Variants in LIPC observed in about 807,000 individuals in gnomAD.
LIPC encodes the protein hepatic triacylglycerol lipase.
In LIPC, 44 loss-of-function variants were observed where a neutral mutation model predicts 50.7. The ratio of observed to expected loss-of-function variants is 0.87; its 90% CI spans 0.68 to 1.11. LIPC has a LOEUF of 1.11. LIPC is among the 50% of genes most tolerant of loss of function. The pLI, the probability that LIPC is intolerant of heterozygous loss-of-function variation, is 0.00. For missense variants in LIPC, 697 were observed against 648.2 expected (o/e 1.08, Z -0.82); for synonymous variants, 271 against 256.4 (o/e 1.06, Z -0.54).
intron 1 of LIPC, among the ~76,000 whole-genome samples, chr15:58,482,535 GTTGT>G (rs1595886219): frequency 1.3e-5 from 2 of 152,108 alleles, no homozygotes; most frequent in East Asian, 3.9e-4. Context: ...TGGCTCTTAG[GTTGT>G]TATAAGGGTA....
At chr15:58,492,303 G>A (rs1328328420) in intron 1 of LIPC, among the ~76,000 whole-genome samples, 1 of 151,984 alleles carries the variant, frequency 6.6e-6, no homozygotes, top group Non-Finnish European at 1.5e-5. Context: ...AGCTTCCTAG[G>A]TATTATTACA....
At chr15:58,529,646 C>A (rs1245560889) in intron 1 of LIPC, among the ~76,000 whole-genome samples, 16 of 152,236 alleles carry the variant, frequency 1.1e-4, no homozygotes, top group African/African-American at 3.6e-4. Flanking sequence ...GGAATGTAAG[C>A]CCTCTGAGCT....
intron 1 of LIPC, among the ~76,000 whole-genome samples, chr15:58,504,696 A>T (rs1283048739): frequency 1.3e-5 from 2 of 152,218 alleles, no homozygotes; most frequent in Non-Finnish European, 2.9e-5. Flanking sequence ...AGAAGAAAGG[A>T]AATTTCTACC....
At chr15:58,450,175 G>C (rs770159185) in intron 1 of LIPC, among the ~76,000 whole-genome samples, 1 of 152,156 alleles carries the variant, frequency 6.6e-6, no homozygotes, top group Non-Finnish European at 1.5e-5. Flanking sequence ...CTGGTCTTTC[G>C]CGTTTCTGAG....
chr15:58,471,559 T>A (rs563007614), intron 1 of LIPC, among the ~76,000 whole-genome samples: 1 of 152,314 alleles, frequency 6.6e-6, no homozygotes, highest in East Asian at 1.9e-4. Context: ...CTGTAATCCA[T>A]TAGCCTTATC....
At chr15:58,500,120 C>T (rs1442971833) in intron 1 of LIPC, among the ~76,000 whole-genome samples, 1 of 152,066 alleles carries the variant, frequency 6.6e-6, no homozygotes, top group East Asian at 1.9e-4. Context: ...CCTCAACAGT[C>T]CCTCAGATGG....
At chr15:58,552,633 T>A (rs779863202) in intron 6 of LIPC, among the ~76,000 whole-genome samples, 1 of 152,218 alleles carries the variant, frequency 6.6e-6, no homozygotes, top group Non-Finnish European at 1.5e-5. Context: ...GAGAGCACCC[T>A]TCCTTGCTGG....
At chr15:58,506,714 C>G (rs1892160693) in intron 1 of LIPC, among the ~76,000 whole-genome samples, 1 of 152,224 alleles carries the variant, frequency 6.6e-6, no homozygotes, top group African/African-American at 2.4e-5. Context: ...GGCTGTGTTC[C>G]CAACTCCTAA....
chr15:58,554,038 A>AT (rs1358996147), intron 6 of LIPC, among the ~76,000 whole-genome samples: 6 of 152,196 alleles, frequency 3.9e-5, no homozygotes, highest in African/African-American at 1.2e-4. Context: ...AAAGAGAGTC[A>AT]TAATATCTCC....
In LIPC at chr15:58,558,307, G is replaced by C. The variant is rs138716263; in HGVS notation, c.1052-2557G>C. Reference sequence around the variant, plus strand: ...AGGATGGTCTCAATCTCTTGACCTTGTGATCCACCTGCCTCGGCTCCCAAA... The same window carrying C: ...AGGATGGTCTCAATCTCTTGACCTTCTGATCCACCTGCCTCGGCTCCCAAA... On this transcript the variant is annotated intron_variant, in intron 6 of 8. Transcript: ENST00000299022. 3.2e-3 allele frequency among the ~76,000 whole-genome samples: 491 copies of C among 152,148 alleles called. 1 individual carries two copies. Among genetic ancestry groups the C allele is most frequent in the Middle Eastern group, 0.024 (7 of 294 alleles).
At chr15:58,544,489 T>C (rs1180163998) in intron 4 of LIPC, among the ~76,000 whole-genome samples, 1 of 137,508 alleles carries the variant, frequency 7.3e-6, no homozygotes, top group Non-Finnish European at 1.5e-5. Context: ...TCCACCTCCC[T>C]GGTTCAAGTG....
At chr15:58,534,748 T>A (rs1345624938) in intron 1 of LIPC, among the ~76,000 whole-genome samples, 2 of 152,170 alleles carry the variant, frequency 1.3e-5, no homozygotes, top group Admixed American at 6.5e-5. Context: ...CAGAAAAAAA[T>A]CTGTGGCCCA....
rs541347634 is a variant in LIPC, at chr15:58,437,949, G to A, written c.88+5829G>A. On this transcript the variant is annotated intron_variant, in intron 1 of 8. Transcript: ENST00000299022. The stretch of plus-strand genomic sequence containing the variant: ...AAAGGTCCACCCTGGAGAGACGGGG[G>A]ACAGCAGCCTGTCCTCCACTCTGCT... 5.3e-5 allele frequency among the ~76,000 whole-genome samples: 8 copies of A among 152,274 alleles called. No individual in the cohort carries two copies. In the South Asian group the frequency reaches 1.4e-3, roughly 28 times the overall value.
At chr15:58,495,878 C>T (rs748235469) in intron 1 of LIPC, among the ~76,000 whole-genome samples, 1 of 152,236 alleles carries the variant, frequency 6.6e-6, no homozygotes, top group Non-Finnish European at 1.5e-5. Context: ...CAAGCATAAA[C>T]TCTGTCCCTA....
chr15:58,498,989 G>C (rs772832902), intron 1 of LIPC, among the ~76,000 whole-genome samples: 3 of 152,192 alleles, frequency 2.0e-5, no homozygotes, highest in Non-Finnish European at 2.9e-5. Context: ...CTCCCAAGGA[G>C]GCTGGGCCTG....
chr15:58,521,357 C>T (rs550383269), intron 1 of LIPC: 1 of 152,420 alleles, frequency 6.6e-6, no homozygotes, highest in East Asian at 1.9e-4. Context: ...AATAAACAGC[C>T]CCATCCTCAA....
intron 6 of LIPC, among the ~76,000 whole-genome samples, chr15:58,552,382 C>T: frequency 6.6e-6 from 1 of 152,346 alleles, no homozygotes; most frequent in East Asian, 1.9e-4. Flanking sequence ...TGCACTTGGC[C>T]TCGGCGTAGG....
At chr15:58,529,708 C>T (rs1360208805) in intron 1 of LIPC, among the ~76,000 whole-genome samples, 1 of 152,152 alleles carries the variant, frequency 6.6e-6, no homozygotes, top group Non-Finnish European at 1.5e-5. Context: ...GGGTCGGAAC[C>T]TCTGTCCTCC....
rs1354590551 is a variant in LIPC at position 58,569,705 on chromosome 15, T to C, written c.*878T>C. Reference sequence around the variant, plus strand: ...TAAAGGATCAGAACTCTCTGCCATGTGCGGATATGAGAAGGCAACTATATG... The same window carrying C: ...TAAAGGATCAGAACTCTCTGCCATGCGCGGATATGAGAAGGCAACTATATG... On this transcript the variant is annotated 3_prime_UTR_variant, in exon 9 of 9. Transcript: ENST00000299022. 1.3e-5 allele frequency: 2 copies of C among 152,580 alleles called. No homozygotes were observed. Among genetic ancestry groups the C allele is most frequent in the Non-Finnish European group, 2.9e-5 (2 of 68,348 alleles). 9.5% of individuals were successfully genotyped at this position (152,580 alleles called of 1,614,324 possible).
Sources: gnomAD v4.1 joint callset for allele counts (sites outside exome capture counted in the v4.1 genomes callset) on GRCh38, gnomAD v4.1.1 for gene constraint, MANE v1.5 for transcripts, NCBI Gene and HGNC (gene_info 2026-07-23, HGNC 2026-07-21) for gene names.